GYS1: variants seen among roughly 807,000 people sequenced by gnomAD.
GYS1 encodes glycogen [starch] synthase, muscle.
Under a neutral mutation model 89.1 loss-of-function variants are expected in GYS1, and 60 were observed. The observed-to-expected ratio is 0.67, with a 90% CI of 0.55 to 0.84. The LOEUF is 0.84. GYS1 is among the 40% of genes least tolerant of loss of function. The probability of loss-of-function intolerance (pLI) is 0.00; values close to 1 mark genes in which losing one functional copy is unlikely to be tolerated. For missense variants in GYS1, 888 were observed against 1,003.1 expected, an observed-to-expected ratio of 0.89 and a Z score of 1.55; for synonymous variants, 366 against 401.7, an observed-to-expected ratio of 0.91 and a Z score of 1.06.
At chr19:48,979,646 C>CTTT (rs56291141) in intron 8 of GYS1, among the ~76,000 whole-genome samples, 5 of 114,976 alleles carry the variant, frequency 4.3e-5, no homozygotes, top group Non-Finnish European at 5.3e-5. Context: ...CTCTTTCTTT[C>CTTT]TTTTTTTTTT....
intron 5 of GYS1, among the ~76,000 whole-genome samples, chr19:48,983,636 A>C (rs977156400): frequency 6.6e-6 from 1 of 152,216 alleles, no homozygotes; most frequent in Non-Finnish European, 1.5e-5. Context: ...GTTCTGGAAC[A>C]TATAGAGCTA....
At chr19:48,972,785 A>G (rs548779356) in intron 12 of GYS1, among the ~76,000 whole-genome samples, 10 of 152,114 alleles carry the variant, frequency 6.6e-5, no homozygotes, top group Non-Finnish European at 1.5e-4. Context: ...GGCCTGATCT[A>G]TAATTCTTAT....
rs1043985843 is a variant in GYS1 at position 48,991,808 on chromosome 19, C to T, written c.119-325G>A. 2.0e-5 allele frequency among the ~76,000 whole-genome samples: 3 copies of T among 152,058 alleles called. No homozygotes were observed. Among genetic ancestry groups the T allele is most frequent in the Non-Finnish European group, 4.4e-5 (3 of 67,984 alleles). On this transcript the variant is annotated intron_variant, in intron 1 of 15. Coordinates refer to ENST00000323798, the MANE Select transcript of GYS1 (RefSeq NM_002103.5). The surrounding 1 kb of genome is among the most constrained non-coding windows in gnomAD (Gnocchi z 4.7). ...CCCCTTGGTCTGAAGGAATTAGGCA[C>T]TGGGGCTCTAAGGATGGCAGAGCTG...
Position 48,969,293 on chromosome 19 carries a change from T to TAA in GYS1, c.2208_2209insTT (p.Asn737LeufsTer106). ...GGGAGTGTGGTGGGGCGGACTTAGT[T>TAA]ACGCTCCTCGCCCAGGGAGCTGGTG... On this transcript the variant is annotated frameshift_variant, in exon 16 of 16. Transcript: ENST00000323798. LOFTEE classifies it high-confidence loss of function. The TAA allele has an allele frequency of 6.4e-7, 1 of 1,552,028 alleles. No individual in the cohort carries two copies. Among genetic ancestry groups the TAA allele is most frequent in the Non-Finnish European group, 8.6e-7 (1 of 1,156,268 alleles).
chr19:48,975,911 C>CAAAAA (rs760164673), intron 10 of GYS1, among the ~76,000 whole-genome samples: 31 of 41,192 alleles, frequency 7.5e-4, no homozygotes, highest in African/African-American at 1.2e-3. Flanking sequence ...GACTCCGTCT[C>CAAAAA]AAAAAAAAAA....
chr19:48,993,059 C>T lies in GYS1; in HGVS notation c.54G>A (p.Trp18Ter), dbSNP rs2038965573. Residue 18 changes from tryptophan (W) to a stop codon, truncating the protein, a stop_gained, in exon 1 of 16, where the codon TGG (tryptophan) becomes TGA (stop). Transcript: ENST00000323798. LOFTEE classifies it high-confidence loss of function. ...CGTTCTCCAGGTCGAATTCATCCTC[C>T]CAGTCCTCCAGTCCTGGCAGTGAGG... ...SMSSLPGLED[W>*]EDEFDLENAV... The T allele has an allele frequency of 1.2e-6, 2 of 1,613,580 alleles. No individual in the cohort carries two copies. The highest frequency in any genetic ancestry group is 8.5e-7 in the Non-Finnish European group (1 of 1,179,546).
intron 4 of GYS1, 85 bp downstream of exon 4, chr19:48,985,765 G>T: frequency 1.3e-6 from 2 of 1,532,676 alleles, no homozygotes; most frequent in East Asian, 2.3e-5. Flanking sequence ...TGGGAGAAGA[G>T]GGGGTGCCAT....
chr19:48,968,718 C>T lies in GYS1; in HGVS notation c.*570G>A, dbSNP rs1215195665. The T allele has an allele frequency of 1.1e-5, 5 of 454,126 alleles. No individual in the cohort carries two copies. The East Asian group carries it at 3.5e-4, about 32-fold the overall frequency. The allele number at this position is 454,126 out of a possible 1,614,324, so 28.1% of individuals were successfully genotyped here. On this transcript the variant is annotated 3_prime_UTR_variant, in exon 16 of 16. Coordinates refer to ENST00000323798, the MANE Select transcript of GYS1 (RefSeq NM_002103.5). ...CAGGCAGAGCCTGGCTCTGACATGC[C>T]AGGGAGGGCTAGAACATCCCTCCCA...
chr19:48,982,291 G>A lies in GYS1; in HGVS notation c.1026C>T (p.Phe342=), dbSNP rs5464. The A allele has an allele frequency of 0.28, 457,475 of 1,612,778 alleles. 65,964 individuals carry two copies. The highest frequency in any genetic ancestry group is 0.37 in the Middle Eastern group (2,224 of 6,058). Reference sequence around the variant, plus strand: ...AGTTGAGCCGAGCCAATGCCTCCAGGAAGACGTCAGCACCCTTGTTGGAGA... The same window carrying A: ...AGTTGAGCCGAGCCAATGCCTCCAGAAAGACGTCAGCACCCTTGTTGGAGA... The part of the protein sequence containing the change: ...YEFSNKGADV[F]LEALARLNYL... The change falls in exon 7 of 16, where the codon TTC becomes TTT. Residue 342 remains phenylalanine, a synonymous_variant. Transcript: ENST00000323798.
chr19:48,978,178 G>T, intron 8 of GYS1, 21 bp from the exon 9 acceptor site: 1 of 1,597,576 alleles, frequency 6.3e-7, no homozygotes, highest in South Asian at 1.1e-5. Context: ...CAGAGCAACA[G>T]GGTCACATAC....
chr19:48,986,050 G>C lies in GYS1; in HGVS notation c.493-15C>G. On this transcript the variant is annotated splice_polypyrimidine_tract_variant and intron_variant, in intron 3 of 15. Coordinates refer to ENST00000323798, the MANE Select transcript of GYS1 (RefSeq NM_002103.5). ...TGTGCCAGGAACTGTGGGCAACAGG[G>C]ACAGGGCCACTGTCTCCACGAGTGT... 6.2e-7 allele frequency: 1 copy of C among 1,612,896 alleles called. No individual in the cohort carries two copies. The highest frequency in any genetic ancestry group is 1.1e-5 in the South Asian group (1 of 91,062).
At chr19:48,978,232 T>C in intron 8 of GYS1, 75 bp from the exon 9 acceptor site, 1 of 1,293,514 alleles carries the variant, frequency 7.7e-7, no homozygotes. Flanking sequence ...GTTAGTTTGT[T>C]TGTTTATTTT....
intron 10 of GYS1, among the ~76,000 whole-genome samples, chr19:48,975,868 C>T (rs1265608362): frequency 1.4e-5 from 2 of 145,964 alleles, no homozygotes; most frequent in Non-Finnish European, 3.0e-5. Context: ...GCCAAGATCG[C>T]GCCACTGCAC....
chr19:48,974,443 G>A (rs2038613577), intron 11 of GYS1, 104 bp from the exon 12 acceptor site: 6 of 1,327,656 alleles, frequency 4.5e-6, no homozygotes, highest in South Asian at 1.2e-5. Flanking sequence ...GCATCACACA[G>A]CATGTGTTTG....
chr19:48,971,149 C>G (rs988860516), intron 12 of GYS1, 126 bp from the exon 13 acceptor site: 12 of 735,538 alleles, frequency 1.6e-5, no homozygotes, highest in Admixed American at 1.2e-4. Flanking sequence ...TGCGGAGCGT[C>G]GCTGAGCCCC....
intron 2 of GYS1, among the ~76,000 whole-genome samples, chr19:48,988,140 C>T (rs768981094): frequency 6.6e-6 from 1 of 152,128 alleles, no homozygotes; most frequent in Non-Finnish European, 1.5e-5. Context: ...TTCTCCCACT[C>T]GCTGCCTCCT....
At chr19:48,974,052 T>C (rs1055391616) in intron 12 of GYS1, among the ~76,000 whole-genome samples, 161 bp downstream of exon 12, 2 of 152,214 alleles carry the variant, frequency 1.3e-5, no homozygotes, top group Admixed American at 6.5e-5. Context: ...ACATGAGCTA[T>C]TGTATCACAA....
intron 5 of GYS1, among the ~76,000 whole-genome samples, chr19:48,983,530 T>C (rs1227663108): frequency 6.6e-6 from 1 of 152,164 alleles, no homozygotes; most frequent in Non-Finnish European, 1.5e-5. Context: ...ATCCTCTACT[T>C]CCAAGCTTCT....
chr19:48,981,918 C>T (rs965368660), intron 7 of GYS1, among the ~76,000 whole-genome samples: 3 of 151,870 alleles, frequency 2.0e-5, no homozygotes, highest in Admixed American at 6.6e-5. Context: ...TTTGAGACAG[C>T]GTCTTTTTCT....
Sources: allele counts gnomAD v4.1 joint callset (sites outside exome capture counted in the v4.1 genomes callset), GRCh38; gene constraint gnomAD v4.1.1; non-coding constraint Gnocchi (gnomAD v3.1); transcripts MANE v1.5; gene names NCBI Gene and HGNC (gene_info 2026-07-23, HGNC 2026-07-21).